CDC73: variants seen among roughly 807,000 people sequenced by gnomAD.
CDC73 encodes the protein parafibromin.
A neutral mutation model predicts 83.7 loss-of-function variants in CDC73; 21 were observed. The observed-to-expected ratio is 0.25, with a 90% CI of 0.18 to 0.36. The LOEUF (loss-of-function observed/expected upper bound fraction) is 0.36. Among genes scored for constraint, CDC73 ranks in the 10% least tolerant of loss-of-function variants. CDC73 has a pLI of 1.00. For missense variants in CDC73, 342 were observed against 653.3 expected, an observed-to-expected ratio of 0.52 and a Z score of 5.19; for synonymous variants, 224 against 212.9, an observed-to-expected ratio of 1.05 and a Z score of -0.45.
intron 10 of CDC73, among the ~76,000 whole-genome samples, chr1:193,167,105 T>G (rs1676446897): frequency 6.6e-6 from 1 of 152,192 alleles, no homozygotes. Context: ...AACCCTCCTT[T>G]GGCAGTGATA....
chr1:193,190,963 G>A (rs924029479), intron 10 of CDC73, among the ~76,000 whole-genome samples: 1 of 152,194 alleles, frequency 6.6e-6, no homozygotes, highest in African/African-American at 2.4e-5. Context: ...GTCCAGTAGT[G>A]TGTGGGACAG....
chr1:193,203,501 A>G (rs1320615275), intron 10 of CDC73, among the ~76,000 whole-genome samples: 2 of 152,226 alleles, frequency 1.3e-5, no homozygotes, highest in South Asian at 4.1e-4. Context: ...TCAGCAGTTA[A>G]GCAAATCATT....
At chr1:193,226,058 T>G (rs1677562056) in intron 13 of CDC73, among the ~76,000 whole-genome samples, 1 of 152,162 alleles carries the variant, frequency 6.6e-6, no homozygotes, top group Non-Finnish European at 1.5e-5. Context: ...TTGATGTGTT[T>G]CAGGACTTAA....
intron 5 of CDC73, among the ~76,000 whole-genome samples, chr1:193,136,736 A>G (rs1675808786): frequency 6.6e-6 from 1 of 152,148 alleles, no homozygotes; most frequent in Non-Finnish European, 1.5e-5. Context: ...TGTGGTAAAC[A>G]ATGTGTATGA....
Position 193,165,718 on chromosome 1 carries a change from G to C in CDC73, c.972+13274G>C, listed in dbSNP as rs1329937155. ...AGTCTTTTTCTCTCTTTCACACATG[G>C]ATGCATGCACATGCATTCGTATCTC... On this transcript the variant is annotated intron_variant, in intron 10 of 16. Coordinates refer to ENST00000367435, the MANE Select transcript of CDC73 (RefSeq NM_024529.5). Among the ~76,000 whole-genome samples the C allele has an allele frequency of 5.9e-5, 9 of 152,126 alleles. 1 individual carries two copies. The highest frequency in any genetic ancestry group is 4.6e-4 in the Admixed American group (7 of 15,260).
At chr1:193,224,170 G>C (rs868386351) in intron 13 of CDC73, among the ~76,000 whole-genome samples, 1 of 151,590 alleles carries the variant, frequency 6.6e-6, no homozygotes, top group Non-Finnish European at 1.5e-5. Context: ...CCTGGTCTCT[G>C]ATAACTACCA....
chr1:193,221,606 C>G lies in CDC73; in HGVS notation c.1154+9129C>G, dbSNP rs537917856. Among the ~76,000 whole-genome samples, 11 of 152,234 alleles carry G rather than the reference C, an allele frequency of 7.2e-5. No individual in the cohort carries two copies. The South Asian group carries it at 2.3e-3, about 32-fold the overall frequency. ...CACTCTCAAGAACCTTTGCAGTGTT[C>G]ATCTGAATGTATTACAAATCTAATA... On this transcript the variant is annotated intron_variant, in intron 13 of 16. Transcript: ENST00000367435.
intron 10 of CDC73, among the ~76,000 whole-genome samples, chr1:193,163,815 G>T (rs2103144094): frequency 6.6e-6 from 1 of 152,202 alleles, no homozygotes; most frequent in Non-Finnish European, 1.5e-5. Flanking sequence ...TCTCACTCTT[G>T]TCACCCAGGC....
chr1:193,194,553 A>G (rs1445354345), intron 10 of CDC73, among the ~76,000 whole-genome samples: 2 of 152,196 alleles, frequency 1.3e-5, no homozygotes, highest in Admixed American at 6.5e-5. Context: ...TTAAATGAAC[A>G]TAGTGGTTTT....
At position 193,252,229 on chromosome 1, in the gene CDC73, C is replaced by T. The variant is rs1027040001; in HGVS notation, c.*1517C>T. 16 of 230,796 alleles carry T rather than the reference C, an allele frequency of 6.9e-5. No homozygotes were observed. The highest frequency in any genetic ancestry group is 1.3e-3 in the Middle Eastern group (1 of 794). 14.3% of individuals were successfully genotyped at this position (230,796 alleles called of 1,614,324 possible). A position where few individuals can be genotyped will look rare whatever the true frequency, so the allele number is the denominator to read the frequency against. ...AACAAGGTTTGAACAGATTCTACCCCTATTTTCCTCCCTTTTTAGCGTCTT... is the reference window on the plus strand; with the variant it reads ...AACAAGGTTTGAACAGATTCTACCCTTATTTTCCTCCCTTTTTAGCGTCTT... On this transcript the variant is annotated 3_prime_UTR_variant, in exon 17 of 17. Transcript: ENST00000367435.
intron 13 of CDC73, among the ~76,000 whole-genome samples, chr1:193,229,480 A>G (rs572151615): frequency 2.0e-5 from 3 of 152,322 alleles, no homozygotes; most frequent in Admixed American, 1.3e-4. Flanking sequence ...TCCTTCTGTG[A>G]TAGGAGGACG....
At chr1:193,163,757 T>C (rs1351335238) in intron 10 of CDC73, among the ~76,000 whole-genome samples, 2 of 152,088 alleles carry the variant, frequency 1.3e-5, no homozygotes, top group African/African-American at 2.4e-5. Context: ...TAAACATCAG[T>C]GTAAAAAGGC....
At chr1:193,160,978 C>T (rs536563650) in intron 10 of CDC73, 1 of 157,396 alleles carries the variant, frequency 6.4e-6, no homozygotes, top group East Asian at 1.6e-4. Context: ...TATATAATTC[C>T]TGCATTCAAA....
At position 193,242,930 on chromosome 1, in the gene CDC73, A is replaced by G. The variant is rs188938427; in HGVS notation, c.1417+6574A>G. ...AACTGGCTTCTTACAAAAGAACTTT[A>G]TTTCTTTTTCTTCTTCTTCTTCTTC... On this transcript the variant is annotated intron_variant, in intron 15 of 16. Transcript: ENST00000367435. Among the ~76,000 whole-genome samples the G allele has an allele frequency of 2.3e-3, 338 of 149,724 alleles. 3 individuals are homozygous for G. Among genetic ancestry groups the G allele is most frequent in the Non-Finnish European group, 2.0e-3 (134 of 67,238 alleles).
In CDC73 at chr1:193,152,362, G is replaced by A. The variant is rs529592893; in HGVS notation, c.908-18G>A. The A allele has an allele frequency of 1.9e-6, 3 of 1,565,308 alleles. No homozygotes were observed. Among genetic ancestry groups the A allele is most frequent in the East Asian group, 2.2e-5 (1 of 44,500 alleles). Reference sequence around the variant, plus strand: ...ATGATCTATAAAATCTTAACAATAAGCCTCTTTTTTTTCGTAGAAACGGAA... The same window carrying A: ...ATGATCTATAAAATCTTAACAATAAACCTCTTTTTTTTCGTAGAAACGGAA... On this transcript the variant is annotated intron_variant, in intron 9 of 16. Transcript: ENST00000367435.
At chr1:193,193,596 G>T (rs1327411985) in intron 10 of CDC73, among the ~76,000 whole-genome samples, 1 of 152,126 alleles carries the variant, frequency 6.6e-6, no homozygotes, top group African/African-American at 2.4e-5. Flanking sequence ...AAAGAAAAAT[G>T]TAGTATTTCT....
At position 193,174,619 on chromosome 1, in the gene CDC73, T is replaced by TG. The variant is rs1387172429; in HGVS notation, c.972+22175_972+22176insG. ...CCCTCAAGTGCCACTTGACAATCCT[T>TG]TCATACATTGCTTGGTGATTCTTTA... On this transcript the variant is annotated intron_variant, in intron 10 of 16. Coordinates refer to ENST00000367435, the MANE Select transcript of CDC73 (RefSeq NM_024529.5). Among the ~76,000 whole-genome samples, 2 of 152,284 alleles carry TG rather than the reference T, an allele frequency of 1.3e-5. 1 individual carries two copies. Among genetic ancestry groups the TG allele is most frequent in the African/African-American group, 4.8e-5 (2 of 41,572 alleles).
intron 1 of CDC73, among the ~76,000 whole-genome samples, chr1:193,123,986 T>C (rs1675516830): frequency 6.6e-6 from 1 of 152,258 alleles, no homozygotes; most frequent in South Asian, 2.1e-4. Context: ...AAACAAGCTT[T>C]AAAGAATAGG....
chr1:193,200,980 A>G (rs1350972257), intron 10 of CDC73, among the ~76,000 whole-genome samples: 3 of 152,068 alleles, frequency 2.0e-5, no homozygotes, highest in Non-Finnish European at 1.5e-5. Flanking sequence ...TAAATTCATG[A>G]CATGATTTGC....
Sources: allele counts gnomAD v4.1 joint callset (sites outside exome capture counted in the v4.1 genomes callset), GRCh38; gene constraint gnomAD v4.1.1; transcripts MANE v1.5; gene names NCBI Gene and HGNC (gene_info 2026-07-23, HGNC 2026-07-21).